Variants in PIP5KL1 observed in about 807,000 individuals in gnomAD.
PIP5KL1 encodes the protein phosphatidylinositol-4-phosphate 5-kinase like 1.
Under a neutral mutation model 47.6 loss-of-function variants are expected in PIP5KL1, and 45 were observed. That is an observed-to-expected ratio of 0.94 (90% confidence interval 0.74 to 1.21). The LOEUF (loss-of-function observed/expected upper bound fraction) is 1.21. PIP5KL1 is among the 50% of genes most tolerant of loss of function. The pLI, the probability that PIP5KL1 is intolerant of heterozygous loss-of-function variation, is 0.00. For missense variants in PIP5KL1, 577 were observed against 547.6 expected (o/e 1.05, Z -0.54); for synonymous variants, 256 against 234.6 (o/e 1.09, Z -0.84).
intron 7 of PIP5KL1, among the ~76,000 whole-genome samples, 176 bp from the exon 8 acceptor site, chr9:127,926,155 TTCTC>T (rs910149585): frequency 6.6e-6 from 1 of 151,772 alleles, no homozygotes; most frequent in Non-Finnish European, 1.5e-5. Context: ...TTTTCTTTCT[TTCTC>T]TCTCTCTTTT....
At position 127,927,415 on chromosome 9, in the gene PIP5KL1, C is replaced by A. The variant is rs1014769714; in HGVS notation, c.560-84G>T. The stretch of plus-strand genomic sequence containing the variant: ...CGGCGCCAATCCCAGCGCCAGGCCA[C>A]GCCTCCTTCTCAAGATCCGCGGCAC... On this transcript the variant is annotated intron_variant, in intron 5 of 9. Coordinates refer to ENST00000388747, the MANE Select transcript of PIP5KL1 (RefSeq NM_001135219.2). This position sits in a 1 kb window ranked among gnomAD's most constrained non-coding sequence, Gnocchi z 5.5. 41 of 1,522,944 alleles carry A rather than the reference C, an allele frequency of 2.7e-5. No homozygotes were observed. The highest frequency in any genetic ancestry group is 3.6e-5 in the Non-Finnish European group (41 of 1,137,938). The allele number at this position is 1,522,944 out of a possible 1,614,324, so 94.3% of individuals were successfully genotyped here.
chr9:127,926,109 G>T, intron 7 of PIP5KL1, 130 bp from the exon 8 acceptor site: 1 of 496,380 alleles, frequency 2.0e-6, no homozygotes, highest in Non-Finnish European at 3.5e-6. Context: ...GCACAACCCT[G>T]GCCTGTCTTT....
chr9:127,928,628 G>C, intron 2 of PIP5KL1, 145 bp from the exon 3 acceptor site: 1 of 886,836 alleles, frequency 1.1e-6, no homozygotes, highest in Non-Finnish European at 1.7e-6. Context: ...TTCTGAGAGT[G>C]CCTGAGTTGG....
chr9:127,929,692 G>C lies in PIP5KL1; in HGVS notation c.224C>G (p.Pro75Arg), dbSNP rs750692011. The change falls in exon 2 of 10, where the codon CCC becomes CGC. Residue 75 changes from proline (P) to arginine (R), a missense_variant. Pro to Arg is a moderately radical substitution (Grantham distance 103, BLOSUM62 -2). Transcript: ENST00000388747. The surrounding 1 kb of genome is among the most constrained non-coding windows in gnomAD (Gnocchi z 4.0). ...TGGGACAGATGGGCCACTCACCGTG[G>C]GTGGGTGGTCCATGGAGACCTGGGT... ...AATQVSMDHP[P>R]TGPPSRDDFS... is the part of the protein sequence containing the mutation. The C allele has an allele frequency of 5.1e-6, 8 of 1,563,148 alleles. No homozygotes were observed. In the South Asian group the frequency reaches 9.3e-5, roughly 18 times the overall value.
rs1485508118 is a variant in PIP5KL1, at chr9:127,927,685, C to T, written c.522G>A (p.Leu174=). ...CCAGCAGCGAGTGCGGGTGCCGCTG[C>T]AGGTGCTGCACGTAGCGGGGCAGGT... The part of the protein sequence containing the change: ...LAHLPRYVQH[L]QRHPHSLLAR... Residue 174 remains leucine (L), a synonymous_variant, in exon 5 of 10, where the codon CTG becomes CTA. Coordinates refer to ENST00000388747, the MANE Select transcript of PIP5KL1 (RefSeq NM_001135219.2). The surrounding 1 kb of genome is among the most constrained non-coding windows in gnomAD (Gnocchi z 5.5). The T allele has an allele frequency of 2.6e-6, 4 of 1,545,386 alleles. No homozygotes were observed. The highest frequency in any genetic ancestry group is 3.5e-6 in the Non-Finnish European group (4 of 1,146,578).
chr9:127,927,465 G>T lies in PIP5KL1; in HGVS notation c.560-134C>A, dbSNP rs1831379709. On this transcript the variant is annotated intron_variant, in intron 5 of 9. Transcript: ENST00000388747. This position sits in a 1 kb window ranked among gnomAD's most constrained non-coding sequence, Gnocchi z 5.5. ...CCTGGACCCTTCCTTGGCTGGTCCG[G>T]ATCCCGACCCGATCCCACCCCTAAA... The T allele has an allele frequency of 6.8e-7, 1 of 1,475,952 alleles. No individual in the cohort carries two copies. The highest frequency in any genetic ancestry group is 9.0e-7 in the Non-Finnish European group (1 of 1,114,586). The allele number at this position is 1,475,952 out of a possible 1,614,324, so 91.4% of individuals were successfully genotyped here.
rs979309337 is a variant in PIP5KL1, at chr9:127,929,553, A to C, written c.228+135T>G. On this transcript the variant is annotated intron_variant, in intron 2 of 9. Coordinates refer to ENST00000388747, the MANE Select transcript of PIP5KL1 (RefSeq NM_001135219.2). The surrounding 1 kb of genome is among the most constrained non-coding windows in gnomAD (Gnocchi z 4.0). ...CAGACGTTCCAGCTCCCACACCACA[A>C]TGTTCCTCCCTCTCTGCCTTCCTCC... 5 of 970,966 alleles carry C rather than the reference A, an allele frequency of 5.1e-6. No homozygotes were observed. Among genetic ancestry groups the C allele is most frequent in the Admixed American group, 3.0e-5 (1 of 33,870 alleles). 60.1% of individuals were successfully genotyped at this position (970,966 alleles called of 1,614,324 possible). A position where few individuals can be genotyped will look rare whatever the true frequency, so the allele number is the denominator to read the frequency against.
chr9:127,924,422 C>T (rs571912605), intron 9 of PIP5KL1, among the ~76,000 whole-genome samples: 6 of 149,564 alleles, frequency 4.0e-5, no homozygotes, highest in South Asian at 4.3e-4. Context: ...ACCCGAGAGG[C>T]GGAGGTTGTA....
Position 127,930,745 on chromosome 9 carries a change from G to A in PIP5KL1, c.8C>T (p.Ala3Val). Reference protein sequence around the residue: MAAPSPGPREVLA... With the variant: MAVPSPGPREVLA... ...TACCTCGCGGGGCCCCGGGCTCGGC[G>A]CAGCCATCGCCCCCGCAGCAGCTTC... Residue 3 changes from alanine (A) to valine (V), a missense_variant, in exon 1 of 10, where the codon GCG (alanine) becomes GTG (valine). Ala to Val is a moderately conservative substitution (Grantham distance 64). Transcript: ENST00000388747. The A allele has an allele frequency of 6.4e-7, 1 of 1,557,552 alleles. No individual in the cohort carries two copies. The highest frequency in any genetic ancestry group is 2.5e-5 in the East Asian group (1 of 40,048).
chr9:127,924,710 CT>C (rs1423128888), intron 9 of PIP5KL1, among the ~76,000 whole-genome samples: 17 of 151,656 alleles, frequency 1.1e-4, no homozygotes, highest in Middle Eastern at 3.4e-3. Context: ...TTTTTCTCTG[CT>C]CTGAAACCTT....
In PIP5KL1 at chr9:127,928,138, C is replaced by T. The variant is rs765722586; in HGVS notation, c.361G>A (p.Ala121Thr). ...SLGLAEEDYQ[A>T]ALGPGGPYLQ... ...TAGGGGCCGCCGGGGCCCAGGGCAG[C>T]CTGATAGTCCTCCTCCGCCAGGCCC... is the stretch of plus-strand genomic sequence containing the variant. Residue 121 changes from alanine (A) to threonine (T), a missense_variant, in exon 4 of 10, where the codon GCT becomes ACT. Physicochemically the swap from Ala to Thr is moderately conservative, Grantham distance 58. Transcript: ENST00000388747. 3 of 1,546,444 alleles carry T rather than the reference C, an allele frequency of 1.9e-6. No homozygotes were observed. In the South Asian group the frequency reaches 3.6e-5, roughly 19 times the overall value.
Position 127,927,239 on chromosome 9 carries a change from C to T in PIP5KL1, c.595-31G>A. 1 of 1,611,900 alleles carries T rather than the reference C, an allele frequency of 6.2e-7. No homozygotes were observed. The highest frequency in any genetic ancestry group is 2.2e-5 in the East Asian group (1 of 44,828). On this transcript the variant is annotated intron_variant, in intron 6 of 9. Transcript: ENST00000388747. The surrounding 1 kb of genome is among the most constrained non-coding windows in gnomAD (Gnocchi z 5.5). ...GGCCGGGACAGGGAGTGAGGGAGGC[C>T]GGCTGTCGCCCTCCAGCCGCCCGCT...
chr9:127,926,226 CT>C (rs755465515), intron 7 of PIP5KL1, among the ~76,000 whole-genome samples: 4,656 of 128,024 alleles, frequency 0.036, 244 homozygotes, highest in East Asian at 0.28. Context: ...TCTTTCTTCC[CT>C]TTTTTTTTTT....
chr9:127,921,170 GCCC>G lies in PIP5KL1; in HGVS notation c.*674_*676del, dbSNP rs1831275639. On this transcript the variant is annotated 3_prime_UTR_variant, in exon 10 of 10. Coordinates refer to ENST00000388747, the MANE Select transcript of PIP5KL1 (RefSeq NM_001135219.2). ...GACCTTGGTCGGACCACGGACCCTTGCCCCCATTTAACTGATGAGAAAAGTGAC... is the reference window on the plus strand; with the variant it reads ...GACCTTGGTCGGACCACGGACCCTTGCCATTTAACTGATGAGAAAAGTGAC... 6.6e-6 allele frequency: 1 copy of G among 152,316 alleles called. No individual in the cohort carries two copies. The highest frequency in any genetic ancestry group is 6.5e-5 in the Admixed American group (1 of 15,276). 9.4% of individuals were successfully genotyped at this position (152,316 alleles called of 1,614,324 possible).
At chr9:127,926,381 C>G (rs1831363326) in intron 7 of PIP5KL1, among the ~76,000 whole-genome samples, 1 of 152,042 alleles carries the variant, frequency 6.6e-6, no homozygotes, top group Non-Finnish European at 1.5e-5. Context: ...CTTAACCTCC[C>G]AAGTAGCTGG....
In PIP5KL1 at chr9:127,922,069, G is replaced by A. The variant is rs373601013; in HGVS notation, c.963C>T (p.Asn321=). ...AQSPEESRAQ[N]RRLLPDAPNA... Reference sequence around the variant, plus strand: ...TGGGGGCGTCGGGCAGCAGCCGGCGGTTTTGGGCTCTCGACTCTTCCGGGC... The same window carrying A: ...TGGGGGCGTCGGGCAGCAGCCGGCGATTTTGGGCTCTCGACTCTTCCGGGC... The change falls in exon 10 of 10, where the codon AAC becomes AAT. Residue 321 remains asparagine, a synonymous_variant. Transcript: ENST00000388747. The A allele has an allele frequency of 3.8e-6, 6 of 1,562,066 alleles. No individual in the cohort carries two copies. The African/African-American group carries it at 8.1e-5, about 21-fold the overall frequency.
At position 127,922,084 on chromosome 9, in the gene PIP5KL1, C is replaced by G. The variant is rs1203164913; in HGVS notation, c.948G>C (p.Glu316Asp). ...RSVQGAQSPEESRAQNRRLLP... is the reference protein window; with the variant it reads ...RSVQGAQSPEDSRAQNRRLLP... ...GCAGCCGGCGGTTTTGGGCTCTCGACTCTTCCGGGCTCTGTGCCCCTTGCA... is the reference window on the plus strand; with the variant it reads ...GCAGCCGGCGGTTTTGGGCTCTCGAGTCTTCCGGGCTCTGTGCCCCTTGCA... Residue 316 changes from glutamate (E) to aspartate (D), a missense_variant, in exon 10 of 10, where the codon GAG becomes GAC. Physicochemically the swap from Glu to Asp is conservative, Grantham distance 45 (BLOSUM62 2). Transcript: ENST00000388747. The G allele has an allele frequency of 6.4e-7, 1 of 1,551,216 alleles. No homozygotes were observed. The highest frequency in any genetic ancestry group is 1.9e-5 in the Admixed American group (1 of 53,092).
rs1335081970 is a variant in PIP5KL1 at position 127,928,411 on chromosome 9, C to G, written c.279+22G>C. The G allele has an allele frequency of 1.4e-5, 23 of 1,592,152 alleles. No individual in the cohort carries two copies. In the Admixed American group the frequency reaches 1.9e-4, roughly 13 times the overall value. On this transcript the variant is annotated intron_variant, in intron 3 of 9. Transcript: ENST00000388747. ...GCAAGACCAGCACACGTCCCTCCCA[C>G]ACGGGAGTCTGGGCCTCCTACCTCG... is the stretch of plus-strand genomic sequence containing the variant.
Position 127,929,651 on chromosome 9 carries a change from C to G in PIP5KL1, c.228+37G>C, listed in dbSNP as rs752540011. 7.3e-6 allele frequency: 11 copies of G among 1,504,656 alleles called. No individual in the cohort carries two copies. In the African/African-American group the frequency reaches 1.5e-4, roughly 21 times the overall value. 93.2% of individuals were successfully genotyped at this position (1,504,656 alleles called of 1,614,324 possible). A position where few individuals can be genotyped will look rare whatever the true frequency, so the allele number is the denominator to read the frequency against. ...GGGCATCAGCCAAGTCTTGCCATTG[C>G]TGGTGTGGAGATTCGTGGGACAGAT... On this transcript the variant is annotated intron_variant, in intron 2 of 9. Transcript: ENST00000388747. The surrounding 1 kb of genome is among the most constrained non-coding windows in gnomAD (Gnocchi z 4.0).
Sources: gnomAD v4.1 joint callset for allele counts (sites outside exome capture counted in the v4.1 genomes callset) on GRCh38, gnomAD v4.1.1 for gene constraint, Gnocchi (gnomAD v3.1) non-coding constraint, MANE v1.5 for transcripts, NCBI Gene and HGNC (gene_info 2026-07-23, HGNC 2026-07-21) for gene names.